TMPRSS9: variants seen among roughly 807,000 people sequenced by gnomAD.
TMPRSS9 encodes transmembrane serine protease 9, also known as transmembrane protease serine 9.
Under a neutral mutation model 111.4 loss-of-function variants are expected in TMPRSS9, and 113 were observed. That is an observed-to-expected ratio of 1.01 (90% confidence interval 0.87 to 1.19). TMPRSS9 has a LOEUF of 1.19. Among genes scored for constraint, TMPRSS9 ranks in the 50% most tolerant of loss-of-function variants. TMPRSS9 has a pLI of 0.00. For synonymous variants in TMPRSS9, 805 were observed against 659.1 expected (o/e 1.22, Z -3.39); for missense variants, 1,803 against 1,513.1 (o/e 1.19, Z -3.18).
intron 17 of TMPRSS9, 96 bp downstream of exon 18, chr19:2,425,589 T>C: frequency 1.4e-6 from 2 of 1,390,372 alleles, no homozygotes; most frequent in Non-Finnish European, 1.9e-6. Flanking sequence ...GGAGCCACCC[T>C]CCGGTGCAGG....
At chr19:2,416,632 C>T in exon 12 of TMPRSS9, 1 of 1,612,844 alleles carries the variant, frequency 6.2e-7, no homozygotes, top group Non-Finnish European at 8.5e-7. Context: ...GCGGGTAGTG[C>T]TGCACCCCCT....
At chr19:2,397,029 T>G (rs1599292061) in intron 2 of TMPRSS9, among the ~76,000 whole-genome samples, 1 of 151,836 alleles carries the variant, frequency 6.6e-6, no homozygotes, top group Non-Finnish European at 1.5e-5. Flanking sequence ...CAAGCGATTC[T>G]CCTGCCTCAG....
intron 1 of TMPRSS9, among the ~76,000 whole-genome samples, chr19:2,393,266 C>T (rs1424801159): frequency 6.6e-6 from 1 of 152,108 alleles, no homozygotes; most frequent in Non-Finnish European, 1.5e-5. Flanking sequence ...CTGTAACACT[C>T]ACTGTGAAGG....
chr19:2,406,072 G>A (rs1395844121), intron 7 of TMPRSS9, among the ~76,000 whole-genome samples: 2 of 139,898 alleles, frequency 1.4e-5, no homozygotes, highest in African/African-American at 2.7e-5. Flanking sequence ...GTGCAGTGGC[G>A]TGATCTCGGC....
At chr19:2,365,570 C>T (rs934750079) in intron 1 of TMPRSS9, among the ~76,000 whole-genome samples, 10 of 150,956 alleles carry the variant, frequency 6.6e-5, no homozygotes, top group African/African-American at 2.0e-4. Context: ...TGGACGTGTC[C>T]GAAAACTGTG....
At chr19:2,414,766 C>G (rs953915229) in intron 10 of TMPRSS9, among the ~76,000 whole-genome samples, 10 of 149,980 alleles carry the variant, frequency 6.7e-5, no homozygotes, top group African/African-American at 2.4e-4. Flanking sequence ...ACTTGGGAGG[C>G]TGAGGCAGGA....
rs1052884500 is a variant in TMPRSS9, at chr19:2,408,158, A to T, written c.843-198A>T. On this transcript the variant is annotated intron_variant, in intron 7 of 17. Coordinates refer to ENST00000648592, the Ensembl canonical transcript of TMPRSS9. ...CGTCTTGAACTCCTGGGCTCAGGTGATCCTCCCGCTTCAGCCTCCAAAAGT... is the reference window on the plus strand; with the variant it reads ...CGTCTTGAACTCCTGGGCTCAGGTGTTCCTCCCGCTTCAGCCTCCAAAAGT... 5.9e-5 allele frequency among the ~76,000 whole-genome samples: 9 copies of T among 151,960 alleles called. No individual in the cohort carries two copies. In the East Asian group the frequency reaches 1.7e-3, roughly 29 times the overall value.
chr19:2,399,594 CAAAT>C (rs1298105030), intron 4 of TMPRSS9, among the ~76,000 whole-genome samples: 2 of 149,252 alleles, frequency 1.3e-5, no homozygotes, highest in South Asian at 2.1e-4. Context: ...AACAAACAAA[CAAAT>C]GTAAAAACTG....
exon 9 of TMPRSS9, chr19:2,410,325 G>T (rs1265519417): frequency 1.2e-6 from 2 of 1,613,972 alleles, no homozygotes; most frequent in African/African-American, 1.3e-5. Context: ...GTGCCAGCTT[G>T]TACGGCCATT....
At chr19:2,415,800 G>A (rs147543670) in exon 11 of TMPRSS9, 71 of 1,604,760 alleles carry the variant, frequency 4.4e-5, no homozygotes, top group Non-Finnish European at 5.7e-5. Flanking sequence ...CAACTGTGGT[G>A]GGGGACCGCT....
chr19:2,373,454 G>C (rs983523060), intron 1 of TMPRSS9, among the ~76,000 whole-genome samples: 7 of 144,606 alleles, frequency 4.8e-5, no homozygotes, highest in Non-Finnish European at 1.1e-4. Context: ...GGTCTCAAAC[G>C]CCTGGCCTCA....
chr19:2,391,383 T>TTTC (rs1970590439), intron 1 of TMPRSS9, among the ~76,000 whole-genome samples: 1 of 151,264 alleles, frequency 6.6e-6, no homozygotes, highest in Non-Finnish European at 1.5e-5. Flanking sequence ...TCTTTTTTCT[T>TTTC]TTTTTTAAAA....
chr19:2,363,311 ACT>A (rs1236399829), intron 1 of TMPRSS9, among the ~76,000 whole-genome samples: 3 of 151,966 alleles, frequency 2.0e-5, no homozygotes, highest in Admixed American at 6.6e-5. Flanking sequence ...CAGGCTGGGG[ACT>A]CTGTCCGCGG....
intron 1 of TMPRSS9, among the ~76,000 whole-genome samples, chr19:2,369,597 A>ATT (rs71178266): frequency 3.7e-4 from 41 of 110,378 alleles, no homozygotes; most frequent in African/African-American, 1.1e-3. Context: ...CTAATTTGTA[A>ATT]TTTTTTTTTT....
intron 14 of TMPRSS9, among the ~76,000 whole-genome samples, chr19:2,422,795 G>C (rs1410551309): frequency 6.6e-6 from 1 of 152,204 alleles, no homozygotes; most frequent in Non-Finnish European, 1.5e-5. Context: ...GGCTGAGGCA[G>C]GAGAATCGCT....
intron 6 of TMPRSS9, among the ~76,000 whole-genome samples, 196 bp downstream of exon 7, chr19:2,403,391 C>G (rs970873335): frequency 1.3e-5 from 2 of 152,036 alleles, no homozygotes; most frequent in African/African-American, 4.8e-5. Flanking sequence ...AGGAAAAGTG[C>G]AGGTGTGTGA....
chr19:2,390,236 T>G (rs1379661533), intron 1 of TMPRSS9, among the ~76,000 whole-genome samples: 2 of 129,770 alleles, frequency 1.5e-5, no homozygotes, highest in South Asian at 2.5e-4. Context: ...AAGTAGTTTT[T>G]TTTTTTGTTT....
exon 12 of TMPRSS9, chr19:2,416,617 C>T: frequency 6.2e-7 from 1 of 1,612,690 alleles, no homozygotes; most frequent in Non-Finnish European, 8.5e-7. Context: ...GAAGATCGGG[C>T]TGCGGCGGGT....
At chr19:2,371,091 C>A (rs922842648) in intron 1 of TMPRSS9, among the ~76,000 whole-genome samples, 1 of 152,172 alleles carries the variant, frequency 6.6e-6, no homozygotes, top group Admixed American at 6.6e-5. Context: ...ATGTCCTCTG[C>A]GAAGGCTCTG....
Sources: allele counts gnomAD v4.1 joint callset (sites outside exome capture counted in the v4.1 genomes callset), GRCh38; gene constraint gnomAD v4.1.1; transcripts MANE v1.5; gene names NCBI Gene and HGNC (gene_info 2026-07-23, HGNC 2026-07-21).